Variants in NR4A1 observed in about 807,000 individuals in gnomAD.
The protein encoded by NR4A1 is nuclear receptor subfamily 4immunitygroup A member 1.
In NR4A1, 24 loss-of-function variants were observed where a neutral mutation model predicts 47.5. The ratio of observed to expected loss-of-function variants is 0.50; its 90% CI spans 0.37 to 0.71. The LOEUF (loss-of-function observed/expected upper bound fraction) is 0.71. Ranked by LOEUF, NR4A1 falls within the 30% of genes least tolerant of loss-of-function variation. The pLI is 0.00. For synonymous variants in NR4A1, 353 were observed against 345.7 expected (o/e 1.02, Z -0.24); for missense variants, 669 against 788.6 (o/e 0.85, Z 1.82).
chr12:52,054,238 C>G, intron 1 of NR4A1, 89 bp from the exon 2 acceptor site: 1 of 1,162,006 alleles, frequency 8.6e-7, no homozygotes, highest in Non-Finnish European at 1.2e-6. Flanking sequence ...TGCCACCTTG[C>G]TGCTCTGGGG....
chr12:52,048,437 A>T (rs1246584247), upstream of NR4A1, among the ~76,000 whole-genome samples: 2 of 151,916 alleles, frequency 1.3e-5, no homozygotes, highest in Non-Finnish European at 2.9e-5. Context: ...TGCTAAAAAT[A>T]CAAAAAAATT....
upstream of NR4A1, among the ~76,000 whole-genome samples, chr12:52,050,286 C>T (rs1288441808): frequency 6.6e-6 from 1 of 152,102 alleles, no homozygotes; most frequent in Non-Finnish European, 1.5e-5. Context: ...AGAGCTGCCT[C>T]CCCACAGGTG....
chr12:52,046,721 C>A (rs969637249), upstream of NR4A1, among the ~76,000 whole-genome samples: 18 of 152,308 alleles, frequency 1.2e-4, no homozygotes, highest in Non-Finnish European at 2.2e-4. Flanking sequence ...CGGTGACTCA[C>A]GCCTGTAATC....
chr12:52,037,150 G>A (rs962833357), intron 1 of NR4A1: 6 of 147,696 alleles, frequency 4.1e-5, no homozygotes, highest in African/African-American at 1.2e-4. Flanking sequence ...GAGGCGCGCC[G>A]GGGCTGGGAC....
At chr12:52,048,550 T>A (rs535898558), upstream of NR4A1, among the ~76,000 whole-genome samples, 13 of 151,940 alleles carry the variant, frequency 8.6e-5, no homozygotes, top group South Asian at 2.1e-4. Context: ...GCCGAGATAG[T>A]GCCACTGCAC....
intron 2 of NR4A1, chr12:52,055,822 A>G: frequency 2.2e-6 from 1 of 453,696 alleles, no homozygotes. Context: ...TCAGAGCGAG[A>G]AACCTCCCCC....
Position 52,057,613 on chromosome 12 carries a change from G to A in NR4A1, c.1540+83G>A, listed in dbSNP as rs1939345345. The A allele has an allele frequency of 3.3e-6, 5 of 1,521,758 alleles. No individual in the cohort carries two copies. In the Admixed American group the frequency reaches 8.9e-5, roughly 27 times the overall value. The allele number at this position is 1,521,758 out of a possible 1,614,324, so 94.3% of individuals were successfully genotyped here. A position where few individuals can be genotyped will look rare whatever the true frequency, so the allele number is the denominator to read the frequency against. On this transcript the variant is annotated intron_variant, in intron 6 of 6. Coordinates refer to ENST00000394825, the MANE Select transcript of NR4A1 (RefSeq NM_173157.3). ...TCTCAGGAGGGCACTGTCCCAGGGAGTTTGGTGGGCCGGGATCTAGCACTT... is the reference window on the plus strand; with the variant it reads ...TCTCAGGAGGGCACTGTCCCAGGGAATTTGGTGGGCCGGGATCTAGCACTT...
chr12:52,031,585 C>T (rs529769857), intron 1 of NR4A1, among the ~76,000 whole-genome samples: 112 of 151,510 alleles, frequency 7.4e-4, no homozygotes, highest in African/African-American at 2.4e-3. Flanking sequence ...TGCAGTGAGC[C>T]GAGATCATGC....
At chr12:52,051,327 C>T (rs1048490410), upstream of NR4A1, 1 of 883,132 alleles carries the variant, frequency 1.1e-6, no homozygotes, top group Non-Finnish European at 1.4e-6. Flanking sequence ...CGGAACCGCA[C>T]CGCCCCCCGC....
Position 52,033,130 on chromosome 12 carries a change from G to A in NR4A1, c.-83-8680G>A, listed in dbSNP as rs1023836721. 5.3e-5 allele frequency among the ~76,000 whole-genome samples: 8 copies of A among 152,328 alleles called. No homozygotes were observed. In the Middle Eastern group the frequency reaches 0.014, roughly 261 times the overall value. On this transcript the variant is annotated intron_variant, in intron 1 of 7. Coordinates refer to the NR4A1 transcript ENST00000360284. ...TGGAATCCTGGCTGGACCTGCTGCGGCTCCCTCCGGACTGGCTAGTGACGT... is the reference window on the plus strand; with the variant it reads ...TGGAATCCTGGCTGGACCTGCTGCGACTCCCTCCGGACTGGCTAGTGACGT...
upstream of NR4A1, among the ~76,000 whole-genome samples, chr12:52,049,104 G>A (rs1180625307): frequency 6.6e-6 from 1 of 152,172 alleles, no homozygotes; most frequent in Admixed American, 6.5e-5. Context: ...CCAGATGACT[G>A]AATGCCATCA....
At chr12:52,056,381 C>A in intron 3 of NR4A1, 113 bp from the exon 4 acceptor site, 1 of 1,467,762 alleles carries the variant, frequency 6.8e-7, no homozygotes, top group Non-Finnish European at 9.2e-7. Context: ...ATCTCAGGGA[C>A]TCTGGGTCCT....
At chr12:52,052,329 AAGAG>A (rs1453033553) in intron 1 of NR4A1, 5 of 125,076 alleles carry the variant, frequency 4.0e-5, no homozygotes, top group African/African-American at 1.7e-4. Flanking sequence ...GAGAGAGAGA[AAGAG>A]AGACAGAGGT....
upstream of NR4A1, among the ~76,000 whole-genome samples, chr12:52,049,010 A>C (rs1489930432): frequency 2.0e-5 from 3 of 152,188 alleles, no homozygotes; most frequent in Non-Finnish European, 4.4e-5. Context: ...TTGAAGGAAG[A>C]TGGTTTGGAG....
At chr12:52,036,046 A>G (rs555512327) in intron 1 of NR4A1, among the ~76,000 whole-genome samples, 7 of 152,286 alleles carry the variant, frequency 4.6e-5, no homozygotes, top group Middle Eastern at 3.4e-3. Flanking sequence ...GTGTTCCCCA[A>G]TGACCTTGCC....
At chr12:52,047,177 C>G (rs1046341036), upstream of NR4A1, among the ~76,000 whole-genome samples, 4 of 152,194 alleles carry the variant, frequency 2.6e-5, no homozygotes, top group African/African-American at 7.2e-5. Context: ...ACCCCATCTC[C>G]CCGACAATTA....
chr12:52,035,379 G>A (rs1289501175), intron 1 of NR4A1, among the ~76,000 whole-genome samples: 1 of 152,000 alleles, frequency 6.6e-6, no homozygotes, highest in African/African-American at 2.4e-5. Flanking sequence ...TGGAAAAACT[G>A]GTAACTGAGC....
At position 52,059,070 on chromosome 12, in the gene NR4A1, C is replaced by T. The variant is rs1939427674; in HGVS notation, c.*126C>T. On this transcript the variant is annotated 3_prime_UTR_variant, in exon 7 of 7. Coordinates refer to ENST00000394825, the MANE Select transcript of NR4A1 (RefSeq NM_173157.3). ...CTGCAGAATGACTCCACCTTCTCAC[C>T]TGCTCCAGGAGGTTTGCAGGGAGCT... The T allele has an allele frequency of 8.0e-7, 1 of 1,249,010 alleles. No homozygotes were observed. Among genetic ancestry groups the T allele is most frequent in the Admixed American group, 2.6e-5 (1 of 38,840 alleles). The allele number at this position is 1,249,010 out of a possible 1,614,324, so 77.4% of individuals were successfully genotyped here.
upstream of NR4A1, among the ~76,000 whole-genome samples, chr12:52,051,014 G>A (rs1183389966): frequency 2.6e-5 from 4 of 152,156 alleles, no homozygotes; most frequent in East Asian, 7.7e-4. Context: ...CCTCATCCGG[G>A]GAAGCCCCGC....
Sources: gnomAD v4.1 joint callset for allele counts (sites outside exome capture counted in the v4.1 genomes callset) on GRCh38, gnomAD v4.1.1 for gene constraint, MANE v1.5 for transcripts, NCBI Gene and HGNC (gene_info 2026-07-23, HGNC 2026-07-21) for gene names.